ADAMTSL1: variants seen among roughly 807,000 people sequenced by gnomAD.
The protein encoded by ADAMTSL1 is ADAMTS-like protein 1.
Under a neutral mutation model 201.8 loss-of-function variants are expected in ADAMTSL1, and 126 were observed. The ratio of observed to expected loss-of-function variants is 0.62; its 90% CI spans 0.54 to 0.72. The LOEUF is 0.72. Ranked by LOEUF, ADAMTSL1 falls within the 30% of genes least tolerant of loss-of-function variation. ADAMTSL1 has a pLI of 0.00. For missense variants in ADAMTSL1, 2,679 were observed against 2,277.8 expected, an observed-to-expected ratio of 1.18 and a Z score of -3.59; for synonymous variants, 1,121 against 903.4, an observed-to-expected ratio of 1.24 and a Z score of -4.32.
chr9:18,710,940 C>T (rs944646515), intron 14 of ADAMTSL1, among the ~76,000 whole-genome samples: 1 of 152,054 alleles, frequency 6.6e-6, no homozygotes, highest in African/African-American at 2.4e-5. Context: ...CCACAGTACT[C>T]GTCCACCATT....
chr9:18,547,631 TATAAAAAAAAAAA>T (rs1010265095), intron 3 of ADAMTSL1, among the ~76,000 whole-genome samples: 1 of 83,292 alleles, frequency 1.2e-5, no homozygotes, highest in African/African-American at 4.8e-5. Context: ...TGTATATATA[TATAAAAAAAAAAA>T]AAAAAAAAAA....
chr9:18,020,640 C>A (rs1433164057), intron 1 of ADAMTSL1, among the ~76,000 whole-genome samples: 1 of 152,170 alleles, frequency 6.6e-6, no homozygotes, highest in East Asian at 1.9e-4. Context: ...AGTTGCCTCC[C>A]ACCAGGTCTC....
At chr9:18,178,319 G>A (rs562430430) in intron 2 of ADAMTSL1, among the ~76,000 whole-genome samples, 4 of 151,826 alleles carry the variant, frequency 2.6e-5, no homozygotes, top group Non-Finnish European at 4.4e-5. Context: ...CTTTTCCGAC[G>A]GGCTTAAAAA....
intron 1 of ADAMTSL1, among the ~76,000 whole-genome samples, chr9:18,111,784 G>C (rs1159207440): frequency 6.6e-6 from 1 of 152,158 alleles, no homozygotes; most frequent in Non-Finnish European, 1.5e-5. Flanking sequence ...TGAGTCAAGT[G>C]TTGAGCCCAA....
rs543442501 is a variant in ADAMTSL1, at chr9:18,177,015, C to T, written c.207+13034C>T. ...ATTATAGTTTGCAATTATATTCCCA[C>T]ATAGGGCTATTGCTTTGCACCCTCA... On this transcript the variant is annotated intron_variant, in intron 2 of 29. Coordinates refer to the ADAMTSL1 transcript ENST00000680146. 6.6e-5 allele frequency among the ~76,000 whole-genome samples: 10 copies of T among 152,316 alleles called. No individual in the cohort carries two copies. The South Asian group carries it at 2.1e-3, about 32-fold the overall frequency.
intron 1 of ADAMTSL1, among the ~76,000 whole-genome samples, chr9:18,130,626 G>A (rs1305915843): frequency 6.6e-6 from 1 of 152,130 alleles, no homozygotes; most frequent in African/African-American, 2.4e-5. Context: ...CACGGATTAT[G>A]TCTTTTAGAT....
intron 15 of ADAMTSL1, among the ~76,000 whole-genome samples, chr9:18,733,207 G>C (rs1289059388): frequency 1.3e-5 from 2 of 152,182 alleles, no homozygotes; most frequent in Non-Finnish European, 2.9e-5. Flanking sequence ...TCTCATAGCA[G>C]CGTACAACCT....
chr9:18,711,970 C>T (rs1435894613), intron 14 of ADAMTSL1, among the ~76,000 whole-genome samples: 1 of 151,402 alleles, frequency 6.6e-6, no homozygotes, highest in East Asian at 1.9e-4. Flanking sequence ...CTGGGAGGCA[C>T]CCCCCAGCAG....
intron 2 of ADAMTSL1, among the ~76,000 whole-genome samples, chr9:18,255,654 A>G (rs113167010): frequency 2.0e-5 from 3 of 152,370 alleles, no homozygotes; most frequent in African/African-American, 7.2e-5. Flanking sequence ...TAAAGGAAAT[A>G]TCTATGTTTG....
chr9:18,254,345 GTTTTTTTTTTTTTTTTT>G (rs59026505), intron 2 of ADAMTSL1, among the ~76,000 whole-genome samples: 43 of 49,368 alleles, frequency 8.7e-4, no homozygotes, highest in South Asian at 4.7e-3. Context: ...ACTCTTTTTG[GTTTTTTTTTTTTTTTTT>G]TTTTTTTTTT....
chr9:18,888,114 C>A (rs555583344), intron 24 of ADAMTSL1, 71 bp downstream of exon 24: 88 of 1,473,364 alleles, frequency 6.0e-5, no homozygotes, highest in Non-Finnish European at 7.9e-5. Flanking sequence ...AACTATCTAG[C>A]AGAACAAAGA....
chr9:18,498,438 G>A (rs1345999442), intron 1 of ADAMTSL1, among the ~76,000 whole-genome samples: 8 of 150,218 alleles, frequency 5.3e-5, no homozygotes, highest in Non-Finnish European at 1.0e-4. Context: ...CTGGGTTCAA[G>A]CGATTCTTGT....
rs192917684 is a variant in ADAMTSL1, at chr9:17,945,642, A to T, written c.87+38720A>T. ...CATGGAATACTATGCAGCCATGAAA[A>T]ATGATGAATTCACATCCTTTGTAGG... On this transcript the variant is annotated intron_variant, in intron 1 of 29. Transcript: ENST00000680146. Among the ~76,000 whole-genome samples, 193 of 152,348 alleles carry T rather than the reference A, an allele frequency of 1.3e-3. 1 individual carries two copies. The highest frequency in any genetic ancestry group is 4.4e-3 in the African/African-American group (184 of 41,568).
At chr9:18,542,684 T>C (rs571062680) in intron 3 of ADAMTSL1, among the ~76,000 whole-genome samples, 1 of 152,260 alleles carries the variant, frequency 6.6e-6, no homozygotes, top group Admixed American at 6.5e-5. Context: ...CAGAATTGCA[T>C]AAAAATAAAT....
At chr9:18,489,899 A>G (rs1427797390) in intron 1 of ADAMTSL1, among the ~76,000 whole-genome samples, 1 of 152,092 alleles carries the variant, frequency 6.6e-6, no homozygotes, top group Non-Finnish European at 1.5e-5. Flanking sequence ...CAGAAACCTC[A>G]TTTCCCCTTT....
At chr9:18,113,428 A>G (rs1420407386) in intron 1 of ADAMTSL1, among the ~76,000 whole-genome samples, 5 of 152,154 alleles carry the variant, frequency 3.3e-5, no homozygotes, top group East Asian at 3.9e-4. Context: ...ATTTAGCAAG[A>G]TTGACGGTGA....
At chr9:18,356,138 G>C (rs752233980) in intron 2 of ADAMTSL1, among the ~76,000 whole-genome samples, 3 of 152,210 alleles carry the variant, frequency 2.0e-5, no homozygotes, top group Non-Finnish European at 4.4e-5. Context: ...AGTGGATGGG[G>C]GACATGGGGG....
At chr9:18,564,285 C>T (rs1821736407) in intron 3 of ADAMTSL1, among the ~76,000 whole-genome samples, 1 of 152,198 alleles carries the variant, frequency 6.6e-6, no homozygotes, top group African/African-American at 2.4e-5. Flanking sequence ...ACCCGTTGCA[C>T]TTCCCTGGTG....
At chr9:18,663,822 A>G (rs1404305990) in intron 9 of ADAMTSL1, among the ~76,000 whole-genome samples, 3 of 152,126 alleles carry the variant, frequency 2.0e-5, no homozygotes, top group Non-Finnish European at 4.4e-5. Context: ...ATGTTTACTC[A>G]ATCTTTCTTG....
Sources: gnomAD v4.1 joint callset for allele counts (sites outside exome capture counted in the v4.1 genomes callset) on GRCh38, gnomAD v4.1.1 for gene constraint, MANE v1.5 for transcripts, NCBI Gene and HGNC (gene_info 2026-07-23, HGNC 2026-07-21) for gene names.